The following SNTG1 variants were observed in gnomAD, a reference collection of about 807,000 sequenced individuals.
SNTG1 encodes the protein syntrophin gamma 1.
SNTG1 carries 39 observed loss-of-function variants against 74.7 expected under a neutral mutation model. The ratio of observed to expected loss-of-function variants is 0.52; its 90% CI spans 0.40 to 0.68. The LOEUF is 0.68. Ranked by LOEUF, SNTG1 falls within the 30% of genes least tolerant of loss-of-function variation. The pLI, the probability that SNTG1 is intolerant of heterozygous loss-of-function variation, is 0.00. For missense variants in SNTG1, 685 were observed against 609.5 expected (o/e 1.12, Z -1.30); for synonymous variants, 254 against 217.1 (o/e 1.17, Z -1.49).
intron 18 of SNTG1, among the ~76,000 whole-genome samples, chr8:50,771,088 T>G (rs967758016): frequency 3.0e-4 from 46 of 152,066 alleles, no homozygotes; most frequent in African/African-American, 8.9e-4. Flanking sequence ...GCTCTACAGA[T>G]ATCTGAAAAT....
chr8:50,767,842 C>A (rs1002858423), intron 18 of SNTG1, among the ~76,000 whole-genome samples: 3 of 151,770 alleles, frequency 2.0e-5, no homozygotes, highest in South Asian at 2.1e-4. Flanking sequence ...GAGAGAAAAT[C>A]CCCTGATTTC....
chr8:49,933,202 G>A (rs1020068286), intron 1 of SNTG1, among the ~76,000 whole-genome samples: 4 of 152,152 alleles, frequency 2.6e-5, no homozygotes, highest in African/African-American at 9.7e-5. Flanking sequence ...GTTTTCCAAA[G>A]TAGCTGTACA....
At chr8:50,751,900 C>T (rs1191665214) in intron 17 of SNTG1, 101 bp from the exon 18 acceptor site, 4 of 628,270 alleles carry the variant, frequency 6.4e-6, no homozygotes, top group Non-Finnish European at 8.0e-6. Flanking sequence ...ATAGTACTAA[C>T]TTTGTATGAT....
At chr8:50,768,127 C>T (rs578048722) in intron 18 of SNTG1, among the ~76,000 whole-genome samples, 1 of 152,052 alleles carries the variant, frequency 6.6e-6, no homozygotes, top group African/African-American at 2.4e-5. Flanking sequence ...TTTCCCCAAA[C>T]ATCTCCTTGC....
chr8:50,579,789 A>T (rs1274631277), intron 12 of SNTG1, among the ~76,000 whole-genome samples: 3 of 152,252 alleles, frequency 2.0e-5, no homozygotes, highest in Non-Finnish European at 4.4e-5. Flanking sequence ...ACTTCTGCCT[A>T]GATTTCAGAA....
In SNTG1 at chr8:50,401,243, A is replaced by T. The variant is rs982485811; in HGVS notation, c.28-967A>T. On this transcript the variant is annotated intron_variant, in intron 3 of 18. Transcript: ENST00000642720. ...TATGGACTTTTTGGTGCCGAATAAG[A>T]GCTAAAGATTATATTCTATCTCAAA... Among the ~76,000 whole-genome samples the T allele has an allele frequency of 3.3e-5, 5 of 152,172 alleles. 1 individual carries two copies. The highest frequency in any genetic ancestry group is 7.3e-5 in the Non-Finnish European group (5 of 68,036).
chr8:50,571,661 A>T (rs2094549648), intron 12 of SNTG1, among the ~76,000 whole-genome samples: 1 of 152,164 alleles, frequency 6.6e-6, no homozygotes, highest in South Asian at 2.1e-4. Flanking sequence ...AACATGTGAG[A>T]CTTTGCCTCA....
chr8:50,710,884 T>C (rs2131558346), intron 17 of SNTG1, among the ~76,000 whole-genome samples: 1 of 152,356 alleles, frequency 6.6e-6, no homozygotes, highest in Middle Eastern at 3.4e-3. Context: ...CCTTCAGGAA[T>C]AGTAGTCACT....
At position 50,556,207 on chromosome 8, in the gene SNTG1, C is replaced by G. The variant is rs145689224; in HGVS notation, c.810+3028C>G. ...TTTAATACTTAGTAAATGATGTCTA[C>G]TAGAATGAGGGTGAAGGCTTTAGGG... On this transcript the variant is annotated intron_variant, in intron 12 of 18. Transcript: ENST00000642720. 5.4e-3 allele frequency among the ~76,000 whole-genome samples: 825 copies of G among 152,204 alleles called. 7 individuals are homozygous for G. Among genetic ancestry groups the G allele is most frequent in the African/African-American group, 0.019 (770 of 41,534 alleles).
chr8:50,372,232 G>A (rs2092285661), intron 2 of SNTG1, among the ~76,000 whole-genome samples: 2 of 151,614 alleles, frequency 1.3e-5, no homozygotes. Context: ...GTGTGTGTGT[G>A]TGGTGGCATG....
chr8:50,125,549 T>A lies in SNTG1; in HGVS notation c.-102-47012T>A, dbSNP rs557545479. Among the ~76,000 whole-genome samples, 5 of 142,344 alleles carry A rather than the reference T, an allele frequency of 3.5e-5. 2 individuals carry two copies. In the South Asian group the frequency reaches 1.0e-3, roughly 30 times the overall value. The allele number at this position is 142,344 out of a possible 152,430, so 93.4% of individuals were successfully genotyped here. On this transcript the variant is annotated intron_variant, in intron 1 of 18. Coordinates refer to ENST00000642720, the MANE Select transcript of SNTG1 (RefSeq NM_018967.5). ...ATGTAGTATTAGAACATGATTTTTTTAATAAGCACATAAAATGTAATTTTT... is the reference window on the plus strand; with the variant it reads ...ATGTAGTATTAGAACATGATTTTTTAAATAAGCACATAAAATGTAATTTTT...
chr8:50,008,060 C>A (rs973090957), intron 1 of SNTG1, among the ~76,000 whole-genome samples: 74 of 152,164 alleles, frequency 4.9e-4, no homozygotes, highest in Non-Finnish European at 8.2e-4. Flanking sequence ...GTCCCTCCCT[C>A]AACACATGGT....
chr8:49,935,659 C>T (rs1021801195), intron 1 of SNTG1, among the ~76,000 whole-genome samples: 2 of 152,144 alleles, frequency 1.3e-5, no homozygotes, highest in Admixed American at 6.5e-5. Context: ...TAGAACCCAA[C>T]TGATGTATGC....
intron 17 of SNTG1, among the ~76,000 whole-genome samples, chr8:50,748,210 G>T (rs939861669): frequency 2.6e-5 from 4 of 151,964 alleles, no homozygotes; most frequent in Non-Finnish European, 4.4e-5. Flanking sequence ...CTGTGGAATT[G>T]CTGGTTGGAG....
intron 1 of SNTG1, among the ~76,000 whole-genome samples, chr8:50,099,047 T>G (rs1464422467): frequency 2.0e-5 from 3 of 152,090 alleles, no homozygotes. Flanking sequence ...TACTGAAATT[T>G]AAAACTATTT....
chr8:50,100,661 G>A (rs1244848331), intron 1 of SNTG1, among the ~76,000 whole-genome samples: 1 of 152,210 alleles, frequency 6.6e-6, no homozygotes, highest in East Asian at 1.9e-4. Flanking sequence ...TCTTTGAAGA[G>A]AAGCTTGTTA....
intron 1 of SNTG1, among the ~76,000 whole-genome samples, chr8:49,919,732 T>A (rs189084241): frequency 6.6e-6 from 1 of 152,130 alleles, no homozygotes; most frequent in Non-Finnish European, 1.5e-5. Flanking sequence ...AGAACAGTTA[T>A]TTTTTCTATA....
intron 17 of SNTG1, among the ~76,000 whole-genome samples, chr8:50,715,891 G>T (rs2095473854): frequency 6.6e-6 from 1 of 152,100 alleles, no homozygotes; most frequent in African/African-American, 2.4e-5. Flanking sequence ...AACATTTTAA[G>T]TTCATGAAAT....
chr8:50,746,613 G>T (rs1158030497), intron 17 of SNTG1, among the ~76,000 whole-genome samples: 9 of 151,634 alleles, frequency 5.9e-5, no homozygotes, highest in Admixed American at 5.9e-4. Flanking sequence ...AACAGAAAAA[G>T]ACATTAGGTT....
Sources: gnomAD v4.1 joint callset for allele counts (sites outside exome capture counted in the v4.1 genomes callset) on GRCh38, gnomAD v4.1.1 for gene constraint, MANE v1.5 for transcripts, NCBI Gene and HGNC (gene_info 2026-07-23, HGNC 2026-07-21) for gene names.